CPNE5: variants seen among roughly 807,000 people sequenced by gnomAD.
CPNE5 encodes copine 5.
Under a neutral mutation model 81.1 loss-of-function variants are expected in CPNE5, and 42 were observed. The ratio of observed to expected loss-of-function variants is 0.52; its 90% CI spans 0.40 to 0.67. CPNE5 has a LOEUF of 0.67. Ranked by LOEUF, CPNE5 falls within the 30% of genes least tolerant of loss-of-function variation. The pLI is 0.00. For synonymous variants in CPNE5, 313 were observed against 321.5 expected (o/e 0.97, Z 0.28); for missense variants, 612 against 815.5 (o/e 0.75, Z 3.04).
At chr6:36,761,346 T>G (rs754290570) in intron 12 of CPNE5, among the ~76,000 whole-genome samples, 1 of 152,258 alleles carries the variant, frequency 6.6e-6, no homozygotes, top group Non-Finnish European at 1.5e-5. Context: ...TCAATCTCAT[T>G]CAGCATGCGA....
At chr6:36,748,142 G>T in intron 15 of CPNE5, 79 bp downstream of exon 15, 1 of 1,318,816 alleles carries the variant, frequency 7.6e-7, no homozygotes, top group Non-Finnish European at 1.1e-6. Context: ...GAGGGTCATG[G>T]TCCCAGCCAG....
chr6:36,757,893 G>C (rs968475008), intron 12 of CPNE5, among the ~76,000 whole-genome samples: 5 of 152,172 alleles, frequency 3.3e-5, no homozygotes, highest in Non-Finnish European at 7.4e-5. Flanking sequence ...GAACCACAGG[G>C]TGGAAGAGTA....
chr6:36,796,227 G>A (rs533948358), intron 6 of CPNE5, among the ~76,000 whole-genome samples: 1 of 152,236 alleles, frequency 6.6e-6, no homozygotes, highest in Non-Finnish European at 1.5e-5. Flanking sequence ...GGGATTACAG[G>A]CATGAGCTAC....
chr6:36,817,989 C>T lies in CPNE5; in HGVS notation c.183+4125G>A, dbSNP rs541586013. Reference sequence around the variant, plus strand: ...CCCTTTATTACATCCCTCAACAGTGCAGGATGCTACTGGGCCCCTGGGTTA... The same window carrying T: ...CCCTTTATTACATCCCTCAACAGTGTAGGATGCTACTGGGCCCCTGGGTTA... On this transcript the variant is annotated intron_variant, in intron 3 of 20. Coordinates refer to ENST00000244751, the MANE Select transcript of CPNE5 (RefSeq NM_020939.2). 2.4e-4 allele frequency among the ~76,000 whole-genome samples: 36 copies of T among 152,270 alleles called. No individual in the cohort carries two copies. In the South Asian group the frequency reaches 7.4e-3, roughly 31 times the overall value.
intron 1 of CPNE5, among the ~76,000 whole-genome samples, chr6:36,830,658 A>G (rs540359606): frequency 1.3e-5 from 2 of 152,314 alleles, no homozygotes; most frequent in Admixed American, 1.3e-4. Context: ...AAAGAGCAGG[A>G]GCTCTGGCCT....
In CPNE5 at chr6:36,741,418, A is replaced by G. The variant is rs1763579569; in HGVS notation, c.*850T>C. On this transcript the variant is annotated 3_prime_UTR_variant, in exon 21 of 21. Coordinates refer to ENST00000244751, the MANE Select transcript of CPNE5 (RefSeq NM_020939.2). ...TAGCCTCATGGGATACAGGGCAAAG[A>G]GCAGGAGCAGTGTGGGAACGTGGGG... is the stretch of plus-strand genomic sequence containing the variant. The G allele has an allele frequency of 6.6e-6, 1 of 152,204 alleles. No individual in the cohort carries two copies. Among genetic ancestry groups the G allele is most frequent in the Non-Finnish European group, 1.5e-5 (1 of 68,048 alleles). 9.4% of individuals were successfully genotyped at this position (152,204 alleles called of 1,614,324 possible). A position where few individuals can be genotyped will look rare whatever the true frequency, so the allele number is the denominator to read the frequency against.
chr6:36,779,006 C>A, intron 8 of CPNE5, 49 bp from the exon 9 acceptor site: 1 of 1,301,746 alleles, frequency 7.7e-7, no homozygotes, highest in Non-Finnish European at 1.1e-6. Context: ...AAAGTGGAAG[C>A]ACAGCTCCCA....
intron 10 of CPNE5, among the ~76,000 whole-genome samples, chr6:36,770,761 T>C (rs1460611709): frequency 6.6e-6 from 1 of 152,150 alleles, no homozygotes; most frequent in Non-Finnish European, 1.5e-5. Context: ...CTCCTCTCAA[T>C]GTGGCTGAAA....
rs1377442161 is a variant in CPNE5, at chr6:36,798,106, C to G, written c.404+59G>C. 2.2e-6 allele frequency: 3 copies of G among 1,357,596 alleles called. No individual in the cohort carries two copies. In the South Asian group the frequency reaches 3.6e-5, roughly 17 times the overall value. The allele number at this position is 1,357,596 out of a possible 1,614,324, so 84.1% of individuals were successfully genotyped here. A position where few individuals can be genotyped will look rare whatever the true frequency, so the allele number is the denominator to read the frequency against. ...CTGCTTTGTCCCCATCCTGAGCCAGCCCCCAGCAGAATGGGCGGGAAGTTG... is the reference window on the plus strand; with the variant it reads ...CTGCTTTGTCCCCATCCTGAGCCAGGCCCCAGCAGAATGGGCGGGAAGTTG... On this transcript the variant is annotated intron_variant, in intron 6 of 20. Coordinates refer to ENST00000244751, the MANE Select transcript of CPNE5 (RefSeq NM_020939.2).
Position 36,798,482 on chromosome 6 carries a change from G to T in CPNE5, c.300C>A (p.Asp100Glu). The part of the protein sequence containing the change: ...QNLRFDLYDV[D>E]SKSPDLSKHD... ...GTTTGGATAAATCAGGACTCTTAGA[G>T]TCAACGTCGTATCTGCAGGGAACAC... The change falls in exon 5 of 21, where the codon GAC becomes GAA. Residue 100 changes from aspartate (D) to glutamate (E), a missense_variant. Asp to Glu is a conservative substitution (Grantham distance 45, BLOSUM62 2). Transcript: ENST00000244751. 2.5e-6 allele frequency: 4 copies of T among 1,614,122 alleles called. No individual in the cohort carries two copies. The highest frequency in any genetic ancestry group is 3.4e-6 in the Non-Finnish European group (4 of 1,179,966).
chr6:36,839,946 C>T (rs2150644314), upstream of CPNE5: 1 of 151,722 alleles, frequency 6.6e-6, no homozygotes, highest in Non-Finnish European at 1.5e-5. The surrounding 1 kb of genome is among the most constrained non-coding windows in gnomAD (Gnocchi z 7.3). Flanking sequence ...AGCGCCACCT[C>T]CTCGGCTCGG....
intron 14 of CPNE5, among the ~76,000 whole-genome samples, chr6:36,748,656 A>T (rs1215207038): frequency 6.6e-6 from 1 of 152,224 alleles, no homozygotes; most frequent in Non-Finnish European, 1.5e-5. Context: ...CTCATTTGAC[A>T]AAAAAGAGAG....
In CPNE5 at chr6:36,742,446, T is replaced by C. The variant is rs1324825773; in HGVS notation, c.1604A>G (p.His535Arg). 3.1e-6 allele frequency: 5 copies of C among 1,613,230 alleles called. No individual in the cohort carries two copies. The highest frequency in any genetic ancestry group is 1.7e-6 in the Non-Finnish European group (2 of 1,179,978). The change falls in exon 21 of 21, where the codon CAC becomes CGC. Residue 535 changes from histidine (H) to arginine (R), a missense_variant. Transcript: ENST00000244751. ...FRDYVDRTGN[H>R]VLSMARLARD... The stretch of plus-strand genomic sequence containing the variant: ...GGCCAGGCGGGCCATGCTCAGCACG[T>C]GGTTGCCTGTGCGGTCCACGTAGTC...
At chr6:36,789,600 C>T (rs191210385) in intron 8 of CPNE5, among the ~76,000 whole-genome samples, 151 of 152,310 alleles carry the variant, frequency 9.9e-4, no homozygotes, top group African/African-American at 3.4e-3. Context: ...ACCCTATCAG[C>T]GCCAAGCTGC....
intron 3 of CPNE5, among the ~76,000 whole-genome samples, chr6:36,819,320 G>A (rs182596685): frequency 3.9e-5 from 6 of 152,318 alleles, no homozygotes; most frequent in African/African-American, 1.2e-4. Context: ...GGCTAGTCTC[G>A]AACTCGTGAC....
intron 13 of CPNE5, 65 bp downstream of exon 13, chr6:36,756,180 T>C (rs544840199): frequency 7.0e-7 from 1 of 1,421,958 alleles, no homozygotes; most frequent in Non-Finnish European, 9.8e-7. Flanking sequence ...GCCTCCCTGA[T>C]ACCAGACCTA....
chr6:36,805,021 C>T (rs570040075), intron 3 of CPNE5, among the ~76,000 whole-genome samples: 2 of 151,966 alleles, frequency 1.3e-5, no homozygotes, highest in African/African-American at 4.8e-5. Context: ...GGGAAAAATG[C>T]TAAAACTTGG....
In CPNE5 at chr6:36,839,213, G is replaced by A; in HGVS notation, c.95+70C>T. ...AGGGGGCGCGCGGAGGTTTAGGATC[G>A]AAGCGGCAGGGGCCGCGGGGCTCTG... On this transcript the variant is annotated intron_variant, in intron 1 of 20. Transcript: ENST00000244751. The surrounding 1 kb of genome is among the most constrained non-coding windows in gnomAD (Gnocchi z 7.3). 1.7e-6 allele frequency: 2 copies of A among 1,195,150 alleles called. No homozygotes were observed. Among genetic ancestry groups the A allele is most frequent in the South Asian group, 1.5e-5 (1 of 65,040 alleles). The allele number at this position is 1,195,150 out of a possible 1,614,324, so 74.0% of individuals were successfully genotyped here.
At chr6:36,802,360 G>T (rs1770199810) in intron 3 of CPNE5, among the ~76,000 whole-genome samples, 1 of 152,038 alleles carries the variant, frequency 6.6e-6, no homozygotes, top group South Asian at 2.1e-4. Flanking sequence ...AGGAGGCTAA[G>T]GTTGGGGGAT....
Sources: allele counts gnomAD v4.1 joint callset (sites outside exome capture counted in the v4.1 genomes callset), GRCh38; gene constraint gnomAD v4.1.1; non-coding constraint Gnocchi (gnomAD v3.1); transcripts MANE v1.5; gene names NCBI Gene and HGNC (gene_info 2026-07-23, HGNC 2026-07-21).